Variants in PPP1CB observed in about 807,000 individuals in gnomAD.
PPP1CB encodes the protein protein phosphatase 1 catalytic subunit beta.
PPP1CB carries 2 observed loss-of-function variants against 43.7 expected under a neutral mutation model. The observed-to-expected ratio is 0.05, with a 90% CI of 0.02 to 0.14. The LOEUF (loss-of-function observed/expected upper bound fraction) is 0.14, where lower values mean the gene tolerates loss of function less well. Ranked by LOEUF, PPP1CB falls within the 10% of genes least tolerant of loss-of-function variation. The pLI, the probability that PPP1CB is intolerant of heterozygous loss-of-function variation, is 1.00. For missense variants in PPP1CB, 84 were observed against 398.0 expected, an observed-to-expected ratio of 0.21 and a Z score of 6.71; for synonymous variants, 136 against 135.6, an observed-to-expected ratio of 1.00 and a Z score of -0.02.
chr2:28,788,288 C>T (rs1177643491), intron 5 of PPP1CB, among the ~76,000 whole-genome samples: 2 of 152,068 alleles, frequency 1.3e-5, no homozygotes, highest in Non-Finnish European at 2.9e-5. Context: ...ACAGTGGAAC[C>T]GTAAGGAAAG....
chr2:28,785,657 A>T (rs935667484), intron 5 of PPP1CB, among the ~76,000 whole-genome samples: 14 of 149,424 alleles, frequency 9.4e-5, no homozygotes, highest in African/African-American at 2.9e-4. Context: ...GAAAAAAAAA[A>T]TTTTTTTTTT....
chr2:28,762,694 T>G (rs1305965843), intron 1 of PPP1CB, among the ~76,000 whole-genome samples: 1 of 152,242 alleles, frequency 6.6e-6, no homozygotes, highest in Non-Finnish European at 1.5e-5. Flanking sequence ...TCCATTGATC[T>G]TTCTTGTACT....
At chr2:28,771,055 C>CCCCCT (rs1558302176) in intron 1 of PPP1CB, among the ~76,000 whole-genome samples, 67 of 59,574 alleles carry the variant, frequency 1.1e-3, no homozygotes, top group South Asian at 1.7e-3. Flanking sequence ...CCCCCCCACC[C>CCCCCT]TTTTTTTTTT....
chr2:28,790,282 A>G (rs1367552372), intron 6 of PPP1CB, among the ~76,000 whole-genome samples: 2 of 152,086 alleles, frequency 1.3e-5, no homozygotes, highest in African/African-American at 4.8e-5. Context: ...ACTCAGTCTC[A>G]AAAAAAGAGA....
intron 1 of PPP1CB, among the ~76,000 whole-genome samples, chr2:28,764,471 AAAAG>A (rs1385327158): frequency 2.0e-5 from 3 of 152,102 alleles, no homozygotes; most frequent in African/African-American, 4.8e-5. Flanking sequence ...AAAAAAAAAA[AAAAG>A]AGAGACTCCA....
intron 1 of PPP1CB, among the ~76,000 whole-genome samples, chr2:28,768,321 G>A (rs928590593): frequency 6.6e-6 from 1 of 152,068 alleles, no homozygotes; most frequent in African/African-American, 2.4e-5. Context: ...GAAGTTTGGG[G>A]CCACTAAAGC....
intron 1 of PPP1CB, among the ~76,000 whole-genome samples, chr2:28,771,040 T>TGGGGGG: frequency 1.4e-5 from 1 of 69,982 alleles, no homozygotes; most frequent in East Asian, 6.2e-4. Context: ...TATTCCCTGC[T>TGGGGGG]CCCCCCCCCC....
intron 1 of PPP1CB, among the ~76,000 whole-genome samples, chr2:28,759,120 A>G (rs1221935797): frequency 6.6e-6 from 1 of 152,206 alleles, no homozygotes; most frequent in East Asian, 1.9e-4. Flanking sequence ...GAACTGAGAA[A>G]TTCCTGTCAC....
chr2:28,756,995 C>G (rs1429896984), intron 1 of PPP1CB, among the ~76,000 whole-genome samples: 3 of 152,090 alleles, frequency 2.0e-5, no homozygotes, highest in Non-Finnish European at 4.4e-5. Context: ...ATAATATTTT[C>G]AAACACATAT....
chr2:28,751,968 G>C lies in PPP1CB; in HGVS notation c.-157G>C. On this transcript the variant is annotated 5_prime_UTR_variant, in exon 1 of 8. Transcript: ENST00000395366. Reference sequence around the variant, plus strand: ...GCGCGCGCTCTCGCTACCCGGCGGGGAGGGGGTGGGGGGAGGGCCCGGGAA... The same window carrying C: ...GCGCGCGCTCTCGCTACCCGGCGGGCAGGGGGTGGGGGGAGGGCCCGGGAA... 2.9e-6 allele frequency: 2 copies of C among 697,994 alleles called. No individual in the cohort carries two copies. Among genetic ancestry groups the C allele is most frequent in the South Asian group, 3.1e-5 (2 of 64,358 alleles). The allele number at this position is 697,994 out of a possible 1,614,324, so 43.2% of individuals were successfully genotyped here.
chr2:28,799,344 A>T lies in PPP1CB; in HGVS notation c.*41A>T. 1 of 1,472,722 alleles carries T rather than the reference A, an allele frequency of 6.8e-7. No individual in the cohort carries two copies. The highest frequency in any genetic ancestry group is 2.3e-5 in the East Asian group (1 of 43,964). The allele number at this position is 1,472,722 out of a possible 1,614,324, so 91.2% of individuals were successfully genotyped here. On this transcript the variant is annotated 3_prime_UTR_variant, in exon 8 of 8. Transcript: ENST00000395366. ...AAAGAAACCATCAGATTTGTTAAGG[A>T]CATACTTCATAATATATAAGTGTGC...
intron 4 of PPP1CB, among the ~76,000 whole-genome samples, chr2:28,783,329 GT>G (rs1025463795): frequency 1.3e-5 from 2 of 148,910 alleles, no homozygotes; most frequent in East Asian, 2.0e-4. Context: ...AAGAATGGTA[GT>G]TTTTTTTTTC....
intron 1 of PPP1CB, among the ~76,000 whole-genome samples, chr2:28,757,755 T>C (rs1666527233): frequency 6.6e-6 from 1 of 152,196 alleles, no homozygotes; most frequent in African/African-American, 2.4e-5. Context: ...CTGAATTAAG[T>C]TCAGCAAGTA....
chr2:28,794,115 G>A, intron 7 of PPP1CB, 118 bp downstream of exon 7: 1 of 783,094 alleles, frequency 1.3e-6, no homozygotes, highest in South Asian at 2.0e-5. Flanking sequence ...TAATTCAGAA[G>A]TGATTACCAC....
chr2:28,781,671 C>T (rs911634471), intron 3 of PPP1CB, 67 bp from the exon 4 acceptor site: 74 of 1,064,724 alleles, frequency 7.0e-5, no homozygotes, highest in African/African-American at 3.9e-4. Flanking sequence ...CATAATCCTG[C>T]GGCTTTGAGA....
In PPP1CB at chr2:28,752,005, G is replaced by A; in HGVS notation, c.-120G>A. 1.0e-6 allele frequency: 1 copy of A among 960,098 alleles called. No homozygotes were observed. The highest frequency in any genetic ancestry group is 1.6e-6 in the Non-Finnish European group (1 of 611,094). 59.5% of individuals were successfully genotyped at this position (960,098 alleles called of 1,614,324 possible). ...GGAGGGCCCGGGAAAAGGGGGAGTTGGAGCCGGGGTCGAAACGCCGCGTGA... is the reference window on the plus strand; with the variant it reads ...GGAGGGCCCGGGAAAAGGGGGAGTTAGAGCCGGGGTCGAAACGCCGCGTGA... On this transcript the variant is annotated 5_prime_UTR_variant, in exon 1 of 8. Transcript: ENST00000395366.
At chr2:28,782,983 AG>A (rs1667187327) in intron 4 of PPP1CB, 2 of 152,230 alleles carry the variant, frequency 1.3e-5, no homozygotes, top group African/African-American at 4.8e-5. Context: ...AGCTAAGGAT[AG>A]AAGTGTAGCA....
intron 3 of PPP1CB, among the ~76,000 whole-genome samples, chr2:28,779,487 A>T (rs1667104525): frequency 6.6e-6 from 1 of 152,118 alleles, no homozygotes; most frequent in Non-Finnish European, 1.5e-5. Flanking sequence ...ATGTCTGTAA[A>T]CCTTGAAAGA....
chr2:28,762,926 T>C (rs754768146), intron 1 of PPP1CB, among the ~76,000 whole-genome samples: 1 of 152,256 alleles, frequency 6.6e-6, no homozygotes, highest in African/African-American at 2.4e-5. Flanking sequence ...AGAATTTTAG[T>C]TTGTAACTTG....
Sources: allele counts gnomAD v4.1 joint callset (sites outside exome capture counted in the v4.1 genomes callset), GRCh38; gene constraint gnomAD v4.1.1; transcripts MANE v1.5; gene names NCBI Gene and HGNC (gene_info 2026-07-23, HGNC 2026-07-21).